Variants in RNF213 observed in about 807,000 individuals in gnomAD.
RNF213 encodes the protein ring finger protein 213, also known as E3 ubiquitin-protein ligase RNF213.
Under a neutral mutation model 514.4 loss-of-function variants are expected in RNF213, and 341 were observed. That is an observed-to-expected ratio of 0.66 (90% CI 0.61 to 0.73). RNF213 has a LOEUF of 0.73. Ranked by LOEUF, RNF213 falls within the 30% of genes least tolerant of loss-of-function variation. The pLI is 0.00. For missense variants in RNF213, 5,767 were observed against 6,615.6 expected, an observed-to-expected ratio of 0.87 and a Z score of 4.45; for synonymous variants, 2,655 against 2,658.2, an observed-to-expected ratio of 1.00 and a Z score of 0.04.
Position 80,379,663 on chromosome 17 carries a change from C to T in RNF213, c.13589C>T (p.Ala4530Val), listed in dbSNP as rs151100315. The T allele has an allele frequency of 3.8e-4, 607 of 1,614,188 alleles. 1 individual carries two copies. The highest frequency in any genetic ancestry group is 4.9e-4 in the Non-Finnish European group (579 of 1,180,032). Residue 4530 changes from alanine (A) to valine (V), a missense_variant, in exon 55 of 68, where the codon GCG becomes GTG. Physicochemically the swap from Ala to Val is moderately conservative, Grantham distance 64. This residue lies in a region of RNF213 where 1,245 missense variants were observed against 1,339.0 expected (regional missense o/e 0.93). Coordinates refer to ENST00000582970, the MANE Select transcript of RNF213 (RefSeq NM_001256071.3). ...CAGAGCATCTGCATTGACTGCCATG[C>T]GCCGATTGGAGGCATTGACCACAAA... Reference protein sequence around the residue: ...MEQSICIDCHAPIGGIDHKPR... With the variant: ...MEQSICIDCHVPIGGIDHKPR...
chr17:80,373,387 T>C (rs1181201859), intron 49 of RNF213, among the ~76,000 whole-genome samples: 1 of 150,848 alleles, frequency 6.6e-6, no homozygotes, highest in Non-Finnish European at 1.5e-5. Context: ...CGCCTGCCCT[T>C]AGCATCCCCA....
chr17:80,290,487 G>T lies in RNF213; in HGVS notation c.1113-83G>T, dbSNP rs538126969. The stretch of plus-strand genomic sequence containing the variant: ...TGTGTGTGCACGTGTGTGTGCGCAC[G>T]TGTGTGTGTGCGCGTGTGTGCATGC... On this transcript the variant is annotated intron_variant, in intron 6 of 67. Transcript: ENST00000582970. 2.3e-6 allele frequency: 3 copies of T among 1,302,416 alleles called. No individual in the cohort carries two copies. The African/African-American group carries it at 4.2e-5, about 18-fold the overall frequency. 80.7% of individuals were successfully genotyped at this position (1,302,416 alleles called of 1,614,324 possible).
Position 80,353,215 on chromosome 17 carries a change from A to G in RNF213, c.10423+156A>G, listed in dbSNP as rs2078596334. On this transcript the variant is annotated intron_variant, in intron 33 of 67. Transcript: ENST00000582970. This position sits in a 1 kb window ranked among gnomAD's most constrained non-coding sequence, Gnocchi z 5.0. ...CATCTGCAGAACTGACTGGTGGCTCATCATAGAGCACCAGGGCCGAGCAGG... is the reference window on the plus strand; with the variant it reads ...CATCTGCAGAACTGACTGGTGGCTCGTCATAGAGCACCAGGGCCGAGCAGG... 9.5e-7 allele frequency: 1 copy of G among 1,056,316 alleles called. No individual in the cohort carries two copies. The highest frequency in any genetic ancestry group is 2.0e-5 in the Admixed American group (1 of 49,940). 65.4% of individuals were successfully genotyped at this position (1,056,316 alleles called of 1,614,324 possible). A position where few individuals can be genotyped will look rare whatever the true frequency, so the allele number is the denominator to read the frequency against.
chr17:80,339,534 G>C lies in RNF213; in HGVS notation c.5167G>C (p.Asp1723His). ...TGAGCTCAGGAAGCAGCCCCCGAGTGATGCCGCCCTAACGATGCTATCCTT... is the reference window on the plus strand; with the variant it reads ...TGAGCTCAGGAAGCAGCCCCCGAGTCATGCCGCCCTAACGATGCTATCCTT... ...STELRKQPPS[D>H]AALTMLSFIK... Residue 1723 changes from aspartate (D) to histidine (H), a missense_variant, in exon 26 of 68, where the codon GAT (aspartate) becomes CAT (histidine). Physicochemically the swap from Asp to His is moderately conservative, Grantham distance 81 (BLOSUM62 -1). Around this residue, in one of 13 missense-constraint regions of RNF213, gnomAD observed 1,377 missense variants for 1,635.2 expected, o/e 0.84. Transcript: ENST00000582970. 1 of 1,537,178 alleles carries C rather than the reference G, an allele frequency of 6.5e-7. No individual in the cohort carries two copies. Among genetic ancestry groups the C allele is most frequent in the East Asian group, 2.4e-5 (1 of 40,912 alleles).
At chr17:80,371,765 T>TATACACAC (rs1198554822) in intron 46 of RNF213, 109 bp from the exon 47 acceptor site, 3 of 677,812 alleles carry the variant, frequency 4.4e-6, no homozygotes, top group Admixed American at 2.3e-5. Flanking sequence ...TGTATATGTT[T>TATACACAC]ATACACACAC....
At chr17:80,354,267 C>A in intron 35 of RNF213, 101 bp downstream of exon 35, 1 of 1,520,246 alleles carries the variant, frequency 6.6e-7, no homozygotes, top group Non-Finnish European at 9.1e-7. Context: ...TCTCAGGTTT[C>A]CATGGCTCAG....
At position 80,345,565 on chromosome 17, in the gene RNF213, C is replaced by G; in HGVS notation, c.7230C>G (p.Phe2410Leu). ...MLKILAIEMR[F>L]RCGIPVIIMG... is the part of the protein sequence containing the mutation. The stretch of plus-strand genomic sequence containing the variant: ...AAATCCTTGCCATCGAGATGCGGTT[C>G]CGGTGTGGGATCCCGGTTATCATCA... The change falls in exon 29 of 68, where the codon TTC becomes TTG. Residue 2410 changes from phenylalanine to leucine, a missense_variant. Coordinates refer to ENST00000582970, the MANE Select transcript of RNF213 (RefSeq NM_001256071.3). This position sits in a 1 kb window ranked among gnomAD's most constrained non-coding sequence, Gnocchi z 6.0. 1 of 1,613,482 alleles carries G rather than the reference C, an allele frequency of 6.2e-7. No individual in the cohort carries two copies. Among genetic ancestry groups the G allele is most frequent in the African/African-American group, 1.3e-5 (1 of 75,024 alleles).
Position 80,263,131 on chromosome 17 carries a change from T to C in RNF213, c.-108-443T>C, listed in dbSNP as rs1448564035. ...CCGCAGAGGCTGTTCTGAGGGCAGG[T>C]GGTCAGTGCAGAGTGGCGCGCTTTG... On this transcript the variant is annotated intron_variant, in intron 1 of 67. Transcript: ENST00000582970. The surrounding 1 kb of genome is among the most constrained non-coding windows in gnomAD (Gnocchi z 4.9). 1.3e-5 allele frequency among the ~76,000 whole-genome samples: 2 copies of C among 152,152 alleles called. No homozygotes were observed. The highest frequency in any genetic ancestry group is 2.9e-5 in the Non-Finnish European group (2 of 68,008).
At position 80,357,238 on chromosome 17, in the gene RNF213, A is replaced by C. The variant is rs1166576556; in HGVS notation, c.10863-1050A>C. On this transcript the variant is annotated intron_variant, in intron 36 of 67. Coordinates refer to ENST00000582970, the MANE Select transcript of RNF213 (RefSeq NM_001256071.3). The stretch of plus-strand genomic sequence containing the variant: ...CCACCTTTTAATTCTTATCCTTTAC[A>C]CAAGAATTTTGAAATAGAGCTATTA... 3.3e-5 allele frequency among the ~76,000 whole-genome samples: 5 copies of C among 152,284 alleles called. No homozygotes were observed. The South Asian group carries it at 6.2e-4, about 19-fold the overall frequency.
rs771185384 is a variant in RNF213 at position 80,298,317 on chromosome 17, C to T, written c.2013-4C>T. On this transcript the variant is annotated splice_polypyrimidine_tract_variant and splice_region_variant and intron_variant, in intron 10 of 67. Transcript: ENST00000582970. ...CTCACTGCGGGATCTTTATTCCCTTCCAGCTGGCGGCTGTACCTGGTGAAC... is the reference window on the plus strand; with the variant it reads ...CTCACTGCGGGATCTTTATTCCCTTTCAGCTGGCGGCTGTACCTGGTGAAC... 39 of 1,613,942 alleles carry T rather than the reference C, an allele frequency of 2.4e-5. No homozygotes were observed. The highest frequency in any genetic ancestry group is 3.3e-5 in the Non-Finnish European group (39 of 1,180,002).
chr17:80,360,362 A>C (rs1412017290), intron 38 of RNF213, 156 bp downstream of exon 38: 4 of 820,334 alleles, frequency 4.9e-6, no homozygotes, highest in Non-Finnish European at 8.0e-6. Context: ...AATTTACGTC[A>C]CCGCGTCATT....
rs755017019 is a variant in RNF213 at position 80,368,042 on chromosome 17, G to C, written c.12054G>C (p.Leu4018=). The C allele has an allele frequency of 1.2e-6, 2 of 1,614,154 alleles. No individual in the cohort carries two copies. The highest frequency in any genetic ancestry group is 2.7e-5 in the African/African-American group (2 of 74,942). Residue 4018 remains leucine (L), a synonymous_variant, in exon 44 of 68, where the codon CTG becomes CTC. Transcript: ENST00000582970. ...VCLPCDHVHC[L]RCLRAWFASE... ...TGCCCTGCGACCACGTGCACTGCCTGCGCTGCCTCAGGGCCTGGTTTGCCT... is the reference window on the plus strand; with the variant it reads ...TGCCCTGCGACCACGTGCACTGCCTCCGCTGCCTCAGGGCCTGGTTTGCCT...
intron 39 of RNF213, 141 bp downstream of exon 39, chr17:80,362,029 G>A (rs533615822): frequency 5.6e-4 from 530 of 938,970 alleles, no homozygotes; most frequent in African/African-American, 1.9e-3. Flanking sequence ...GAAGGGTGCC[G>A]GTGGGTGAAG....
In RNF213 at chr17:80,346,266, G is replaced by A. The variant is rs944235976; in HGVS notation, c.7931G>A (p.Cys2644Tyr). ...GTCAGCCTCAGGGACGTGGAGCGCTGTGTGAAAGTTTTCAGGTGGTTCCAC... is the reference window on the plus strand; with the variant it reads ...GTCAGCCTCAGGGACGTGGAGCGCTATGTGAAAGTTTTCAGGTGGTTCCAC... ...SFVSLRDVER[C>Y]VKVFRWFHEH... Residue 2644 changes from cysteine to tyrosine, a missense_variant, in exon 29 of 68, where the codon TGT (cysteine) becomes TAT (tyrosine). By Grantham distance (194) the Cys-to-Tyr change is radical. Transcript: ENST00000582970. The surrounding 1 kb of genome is among the most constrained non-coding windows in gnomAD (Gnocchi z 8.1). 1 of 1,614,154 alleles carries A rather than the reference G, an allele frequency of 6.2e-7. No individual in the cohort carries two copies. Among genetic ancestry groups the A allele is most frequent in the Non-Finnish European group, 8.5e-7 (1 of 1,180,036 alleles).
intron 36 of RNF213, among the ~76,000 whole-genome samples, chr17:80,357,230 T>G (rs1032382756): frequency 1.3e-5 from 2 of 152,194 alleles, no homozygotes; most frequent in African/African-American, 4.8e-5. Context: ...TTAATTCTTA[T>G]CCTTTACACA....
intron 3 of RNF213, chr17:80,278,810 C>G: frequency 6.5e-7 from 1 of 1,537,174 alleles, no homozygotes; most frequent in East Asian, 2.4e-5. Flanking sequence ...GACCTCATAT[C>G]CGATGAATGG....
At chr17:80,360,317 T>C in intron 38 of RNF213, 111 bp downstream of exon 38, 1 of 1,276,008 alleles carries the variant, frequency 7.8e-7, no homozygotes, top group Non-Finnish European at 1.1e-6. Context: ...TTTGGAGTTT[T>C]TAGTTTTCAC....
intron 14 of RNF213, among the ~76,000 whole-genome samples, chr17:80,312,385 G>T (rs983835519): frequency 3.3e-5 from 5 of 152,104 alleles, no homozygotes; most frequent in African/African-American, 1.2e-4. Flanking sequence ...CACGGAGGCG[G>T]GGGGAGAGCA....
rs987372980 is a variant in RNF213, at chr17:80,332,275, G to T, written c.3787G>T (p.Glu1263Ter). The change falls in exon 21 of 68, where the codon GAA becomes TAA. Residue 1263 changes from glutamate to a stop codon, truncating the protein, a stop_gained. Transcript: ENST00000582970. LOFTEE classifies it high-confidence loss of function. The stretch of plus-strand genomic sequence containing the variant: ...AGAGTTGCTGAGTGAGCCCGAAGAA[G>T]AATCAGAAAGGCACATCCTTGAGCT... ...AAELLSEPEE[E>*]SERHILELEE... 6.5e-7 allele frequency: 1 copy of T among 1,537,246 alleles called. No individual in the cohort carries two copies. Among genetic ancestry groups the T allele is most frequent in the Non-Finnish European group, 8.7e-7 (1 of 1,146,924 alleles).
Sources: gnomAD v4.1 joint callset for allele counts (sites outside exome capture counted in the v4.1 genomes callset) on GRCh38, gnomAD v4.1.1 for gene constraint, gnomAD v4.1.1 regional missense constraint, Gnocchi (gnomAD v3.1) non-coding constraint, MANE v1.5 for transcripts, NCBI Gene and HGNC (gene_info 2026-07-23, HGNC 2026-07-21) for gene names.